The following PAPSS1 variants were observed in gnomAD, a reference collection of about 807,000 sequenced individuals.
PAPSS1 encodes 3'-phosphoadenosine 5'-phosphosulfate synthase 1, also known as bifunctional 3'-phosphoadenosine 5'-phosphosulfate synthase 1.
Under a neutral mutation model 72.0 loss-of-function variants are expected in PAPSS1, and 50 were observed. The ratio of observed to expected loss-of-function variants is 0.69; its 90% CI spans 0.55 to 0.88. PAPSS1 has a LOEUF of 0.88. Ranked by LOEUF, PAPSS1 falls within the 40% of genes least tolerant of loss-of-function variation. The pLI is 0.00. For missense variants in PAPSS1, 657 were observed against 782.2 expected (o/e 0.84, Z 1.91); for synonymous variants, 261 against 263.6 (o/e 0.99, Z 0.09).
chr4:107,622,307 T>C (rs28733315), intron 11 of PAPSS1, among the ~76,000 whole-genome samples: 36,507 of 152,136 alleles, frequency 0.24, 5,000 homozygotes, highest in Middle Eastern at 0.33. Context: ...GCTCCATGCA[T>C]ATCTCCCCTT....
At chr4:107,702,868 C>T (rs1259473651) in intron 1 of PAPSS1, among the ~76,000 whole-genome samples, 1 of 152,194 alleles carries the variant, frequency 6.6e-6, no homozygotes, top group African/African-American at 2.4e-5. Flanking sequence ...TTTCATTATA[C>T]ACCTAGTAGT....
chr4:107,697,150 T>A (rs573556444), intron 2 of PAPSS1, among the ~76,000 whole-genome samples: 1 of 152,286 alleles, frequency 6.6e-6, no homozygotes, highest in African/African-American at 2.4e-5. Context: ...CCCGCTAAGC[T>A]CCCAGCTGAC....
chr4:107,699,500 C>T (rs1249206572), intron 2 of PAPSS1, among the ~76,000 whole-genome samples: 1 of 152,068 alleles, frequency 6.6e-6, no homozygotes, highest in Non-Finnish European at 1.5e-5. Flanking sequence ...AAAAAAGACA[C>T]CCTCATAAAT....
chr4:107,625,245 C>T (rs558279342), intron 11 of PAPSS1, among the ~76,000 whole-genome samples: 2 of 152,254 alleles, frequency 1.3e-5, no homozygotes, highest in African/African-American at 4.8e-5. Context: ...TATTACCATC[C>T]TATGTTATTG....
chr4:107,710,324 A>G (rs1378021950), intron 1 of PAPSS1, among the ~76,000 whole-genome samples: 1 of 152,124 alleles, frequency 6.6e-6, no homozygotes, highest in African/African-American at 2.4e-5. Context: ...AAATATATAT[A>G]TATGTATATC....
intron 10 of PAPSS1, among the ~76,000 whole-genome samples, chr4:107,636,476 C>G (rs138383495): frequency 3.9e-5 from 6 of 152,042 alleles, no homozygotes; most frequent in African/African-American, 1.5e-4. Flanking sequence ...TCGTTGAATT[C>G]GCTTACTAGT....
intron 9 of PAPSS1, among the ~76,000 whole-genome samples, chr4:107,648,277 G>A (rs1338388344): frequency 6.6e-6 from 1 of 152,192 alleles, no homozygotes; most frequent in African/African-American, 2.4e-5. Context: ...TCAGCATTCC[G>A]TGAACACATG....
chr4:107,654,919 C>T lies in PAPSS1; in HGVS notation c.896-19G>A. On this transcript the variant is annotated intron_variant, in intron 7 of 11. Transcript: ENST00000265174. The stretch of plus-strand genomic sequence containing the variant: ...ACACCTCCTGCAGAGCACAAAAGAA[C>T]ATGAAGCACACAGCTTGAATTACTC... 6.3e-7 allele frequency: 1 copy of T among 1,587,394 alleles called. No individual in the cohort carries two copies. The highest frequency in any genetic ancestry group is 1.1e-5 in the South Asian group (1 of 90,096).
chr4:107,708,552 T>C (rs775371676), intron 1 of PAPSS1, among the ~76,000 whole-genome samples: 1 of 152,256 alleles, frequency 6.6e-6, no homozygotes, highest in African/African-American at 2.4e-5. Flanking sequence ...AAATATCTTC[T>C]GCTTTTCTTA....
Position 107,699,267 on chromosome 4 carries a change from C to CA in PAPSS1, c.175+1903dup, listed in dbSNP as rs568207137. On this transcript the variant is annotated intron_variant, in intron 2 of 11. Coordinates refer to ENST00000265174, the MANE Select transcript of PAPSS1 (RefSeq NM_005443.5). ...ACAAGATTTAGACAACACTAAGAGC[C>CA]AAAAAAAAAAAGGAAGTCACAATGA... 7.0e-3 allele frequency among the ~76,000 whole-genome samples: 942 copies of CA among 134,898 alleles called. 6 individuals are homozygous for CA. Among genetic ancestry groups the CA allele is most frequent in the Non-Finnish European group, 8.6e-3 (532 of 62,048 alleles). The allele number at this position is 134,898 out of a possible 152,430, so 88.5% of individuals were successfully genotyped here.
At chr4:107,657,591 C>T (rs188549667) in intron 6 of PAPSS1, among the ~76,000 whole-genome samples, 99 of 152,054 alleles carry the variant, frequency 6.5e-4, no homozygotes, top group African/African-American at 1.7e-3. Flanking sequence ...GATGTGGTGG[C>T]GCATTCCTGT....
intron 11 of PAPSS1, among the ~76,000 whole-genome samples, chr4:107,617,489 T>G (rs1367165322): frequency 1.3e-5 from 2 of 152,198 alleles, no homozygotes; most frequent in African/African-American, 2.4e-5. Context: ...TGTGACTCAT[T>G]TAATCAGTCA....
Position 107,687,087 on chromosome 4 carries a change from T to G in PAPSS1, c.502A>C (p.Arg168=), listed in dbSNP as rs557932187. The change falls in exon 4 of 12, where the codon AGG becomes CGG. Residue 168 remains arginine (R), a synonymous_variant. Transcript: ENST00000265174. ...TTTTTGTAGAGTCCTTTGACATCCCTCTGTTCACAAACATGCAGAGGAGCA... is the reference window on the plus strand; with the variant it reads ...TTTTTGTAGAGTCCTTTGACATCCCGCTGTTCACAAACATGCAGAGGAGCA... ...VDAPLHVCEQ[R]DVKGLYKKAR... 326 of 1,604,078 alleles carry G rather than the reference T, an allele frequency of 2.0e-4. 3 individuals carry two copies. In the South Asian group the frequency reaches 3.4e-3, roughly 17 times the overall value.
intron 11 of PAPSS1, among the ~76,000 whole-genome samples, chr4:107,616,610 A>G (rs2672487): frequency 0.6 from 91,069 of 151,950 alleles, 27,382 homozygotes; most frequent in Middle Eastern, 0.65. Context: ...AGACCTTAAT[A>G]AGTGACTTTA....
chr4:107,678,176 TA>T (rs1727710064), intron 5 of PAPSS1, among the ~76,000 whole-genome samples: 1 of 150,284 alleles, frequency 6.7e-6, no homozygotes, highest in South Asian at 2.1e-4. Flanking sequence ...CCCTAAAACT[TA>T]ACGTATAAAA....
chr4:107,705,363 A>C (rs946286807), intron 1 of PAPSS1, among the ~76,000 whole-genome samples: 2 of 152,176 alleles, frequency 1.3e-5, no homozygotes, highest in African/African-American at 4.8e-5. Context: ...CGTGATAGTG[A>C]GTTCTCACAA....
At chr4:107,708,762 T>G (rs939461703) in intron 1 of PAPSS1, among the ~76,000 whole-genome samples, 1 of 152,210 alleles carries the variant, frequency 6.6e-6, no homozygotes, top group Non-Finnish European at 1.5e-5. Flanking sequence ...AGATTTTTTT[T>G]GGTTTATGTA....
At chr4:107,690,243 G>C (rs1429958383) in intron 3 of PAPSS1, among the ~76,000 whole-genome samples, 2 of 152,072 alleles carry the variant, frequency 1.3e-5, no homozygotes, top group East Asian at 3.9e-4. Context: ...TCACCACCTA[G>C]CCTCTGCAAA....
intron 5 of PAPSS1, among the ~76,000 whole-genome samples, chr4:107,663,826 CTA>C (rs1727248999): frequency 6.6e-6 from 1 of 152,140 alleles, no homozygotes; most frequent in Non-Finnish European, 1.5e-5. Flanking sequence ...AGAAATTAGA[CTA>C]TATCTTCCAA....
Sources: gnomAD v4.1 joint callset for allele counts (sites outside exome capture counted in the v4.1 genomes callset) on GRCh38, gnomAD v4.1.1 for gene constraint, MANE v1.5 for transcripts, NCBI Gene and HGNC (gene_info 2026-07-23, HGNC 2026-07-21) for gene names.